The following MAP4K2 variants were observed in gnomAD, a reference collection of about 807,000 sequenced individuals.
MAP4K2 encodes the protein B lymphocyte serine/threonine protein kinase.
Under a neutral mutation model 125.3 loss-of-function variants are expected in MAP4K2, and 85 were observed. The ratio of observed to expected loss-of-function variants is 0.68; its 90% CI spans 0.57 to 0.81. MAP4K2 has a LOEUF of 0.81. MAP4K2 is among the 40% of genes least tolerant of loss of function. The probability of loss-of-function intolerance (pLI) is 0.00; values close to 1 mark genes in which losing one functional copy is unlikely to be tolerated. For missense variants in MAP4K2, 923 were observed against 1,056.4 expected, an observed-to-expected ratio of 0.87 and a Z score of 1.75; for synonymous variants, 479 against 445.1, an observed-to-expected ratio of 1.08 and a Z score of -0.96.
intron 24 of MAP4K2, among the ~76,000 whole-genome samples, 198 bp downstream of exon 24, chr11:64,796,075 C>T (rs143131682): frequency 6.6e-6 from 1 of 152,354 alleles, no homozygotes; most frequent in Non-Finnish European, 1.5e-5. Flanking sequence ...ACTTTCACAT[C>T]CACTGTCTCC....
At position 64,797,677 on chromosome 11, in the gene MAP4K2, G is replaced by A; in HGVS notation, c.1098-13C>T. ...CTGCAGCAGGCTCCTGGGCAGTGGG[G>A]AAAAGGGGTCAGAGGTCAACCTTTC... On this transcript the variant is annotated splice_polypyrimidine_tract_variant and intron_variant, in intron 15 of 31. Transcript: ENST00000294066. 1 of 1,510,756 alleles carries A rather than the reference G, an allele frequency of 6.6e-7. No individual in the cohort carries two copies. 93.6% of individuals were successfully genotyped at this position (1,510,756 alleles called of 1,614,324 possible). A position where few individuals can be genotyped will look rare whatever the true frequency, so the allele number is the denominator to read the frequency against.
In MAP4K2 at chr11:64,787,480, CTGGGGACGGGG is replaced by C. The variant is rs886176136; in HGVS notation, c.*2046_*2056del. On this transcript the variant is annotated 3_prime_UTR_variant, in exon 32 of 32. Coordinates refer to ENST00000294066, the MANE Select transcript of MAP4K2 (RefSeq NM_004579.5). ...TCATAAGTAACTGAGACCAGGGTGG[CTGGGGACGGGG>C]TAAGAGGGAGACTTCATTATATCTC... 5 of 152,080 alleles carry C rather than the reference CTGGGGACGGGG, an allele frequency of 3.3e-5. No homozygotes were observed. The highest frequency in any genetic ancestry group is 1.2e-4 in the African/African-American group (5 of 41,390). The allele number at this position is 152,080 out of a possible 1,614,324, so 9.4% of individuals were successfully genotyped here.
At chr11:64,800,496 C>T in intron 10 of MAP4K2, 104 bp from the exon 11 acceptor site, 1 of 1,343,182 alleles carries the variant, frequency 7.4e-7, no homozygotes. Context: ...GCTGGGCCCA[C>T]CCAGGAAGGA....
chr11:64,789,659 A>G, intron 31 of MAP4K2, 35 bp from the exon 32 acceptor site: 3 of 1,612,404 alleles, frequency 1.9e-6, no homozygotes, highest in Non-Finnish European at 2.5e-6. Flanking sequence ...AGGGCGGGAG[A>G]CACTTGGTAC....
chr11:64,792,156 C>T lies in MAP4K2; in HGVS notation c.1914+16G>A, dbSNP rs1187878905. 4.4e-6 allele frequency: 7 copies of T among 1,597,656 alleles called. No homozygotes were observed. Among genetic ancestry groups the T allele is most frequent in the African/African-American group, 4.0e-5 (3 of 74,572 alleles). Reference sequence around the variant, plus strand: ...AGCTCTGAGGGTGCCCTGGGCCTCCCCCCACCGCCCCTCACCTTCAGCAGC... The same window carrying T: ...AGCTCTGAGGGTGCCCTGGGCCTCCTCCCACCGCCCCTCACCTTCAGCAGC... On this transcript the variant is annotated intron_variant, in intron 26 of 31. Transcript: ENST00000294066.
intron 7 of MAP4K2, 113 bp from the exon 8 acceptor site, chr11:64,801,296 C>A: frequency 7.5e-7 from 1 of 1,339,660 alleles, no homozygotes; most frequent in Middle Eastern, 2.5e-4. Flanking sequence ...GGTGGCCCCG[C>A]TTGGTCACAG....
At position 64,789,795 on chromosome 11, in the gene MAP4K2, CAGGT is replaced by C. The variant is rs754738273; in HGVS notation, c.2320-14_2320-11del. On this transcript the variant is annotated splice_polypyrimidine_tract_variant and intron_variant, in intron 30 of 31. Coordinates refer to ENST00000294066, the MANE Select transcript of MAP4K2 (RefSeq NM_004579.5). ...TGATCTCCTGGGTCACCTGGGAAGACAGGTGGGAAGCACTGAGGCCACTCCAGTA... is the reference window on the plus strand; with the variant it reads ...TGATCTCCTGGGTCACCTGGGAAGACGGGAAGCACTGAGGCCACTCCAGTA... The C allele has an allele frequency of 1.4e-5, 22 of 1,614,134 alleles. No individual in the cohort carries two copies. The South Asian group carries it at 2.3e-4, about 17-fold the overall frequency.
chr11:64,796,760 C>T (rs1451799635), intron 21 of MAP4K2, 47 bp from the exon 22 acceptor site: 1 of 1,613,638 alleles, frequency 6.2e-7, no homozygotes, highest in Non-Finnish European at 8.5e-7. Context: ...GCCCCTGGCC[C>T]AAGCTGAGGG....
In MAP4K2 at chr11:64,792,499, G is replaced by A. The variant is rs1011269835; in HGVS notation, c.1752-77C>T. 2.1e-5 allele frequency: 25 copies of A among 1,203,724 alleles called. No individual in the cohort carries two copies. The African/African-American group carries it at 2.9e-4, about 14-fold the overall frequency. 74.6% of individuals were successfully genotyped at this position (1,203,724 alleles called of 1,614,324 possible). A position where few individuals can be genotyped will look rare whatever the true frequency, so the allele number is the denominator to read the frequency against. Reference sequence around the variant, plus strand: ...GCCCCTGCAGAGCCCTATGAGGTGGGCACTATCAGCTTCCCTCTTTACAAG... The same window carrying A: ...GCCCCTGCAGAGCCCTATGAGGTGGACACTATCAGCTTCCCTCTTTACAAG... On this transcript the variant is annotated intron_variant, in intron 24 of 31. Coordinates refer to ENST00000294066, the MANE Select transcript of MAP4K2 (RefSeq NM_004579.5).
chr11:64,795,785 C>G (rs931249918), intron 24 of MAP4K2, among the ~76,000 whole-genome samples: 2 of 152,120 alleles, frequency 1.3e-5, no homozygotes, highest in Admixed American at 6.6e-5. Context: ...CCTTCTGCCT[C>G]GGATTACAGG....
chr11:64,794,047 C>T (rs1196882353), intron 24 of MAP4K2, among the ~76,000 whole-genome samples: 2 of 152,226 alleles, frequency 1.3e-5, no homozygotes, highest in Non-Finnish European at 2.9e-5. Context: ...CAGTCCACTG[C>T]TTCCCACACC....
chr11:64,797,230 C>A (rs1239249265), intron 18 of MAP4K2, 38 bp from the exon 19 acceptor site: 1 of 1,606,224 alleles, frequency 6.2e-7, no homozygotes, highest in Admixed American at 1.7e-5. Context: ...CTGCTGTAGC[C>A]CCCACCCTGG....
rs71581722 is a variant in MAP4K2, at chr11:64,790,053, A to G, written c.2249-94T>C. The G allele has an allele frequency of 2.3e-3, 3,530 of 1,540,346 alleles. 6 individuals are homozygous for G. The highest frequency in any genetic ancestry group is 5.5e-3 in the Middle Eastern group (26 of 4,694). ...GTCTGGGCCACAGGGGTCCTCACTG[A>G]CCTCAGGTGACCAGGATGGCTCAGG... is the stretch of plus-strand genomic sequence containing the variant. On this transcript the variant is annotated intron_variant, in intron 29 of 31. Coordinates refer to ENST00000294066, the MANE Select transcript of MAP4K2 (RefSeq NM_004579.5).
Position 64,796,391 on chromosome 11 carries a change from C to T in MAP4K2, c.1634-1G>A, listed in dbSNP as rs765375587. 1.2e-6 allele frequency: 2 copies of T among 1,610,118 alleles called. No individual in the cohort carries two copies. Among genetic ancestry groups the T allele is most frequent in the Non-Finnish European group, 1.7e-6 (2 of 1,177,688 alleles). On this transcript the variant is annotated splice_acceptor_variant, in intron 23 of 31. Transcript: ENST00000294066. LOFTEE classifies it high-confidence loss of function. Reference sequence around the variant, plus strand: ...TGGGCCCAGATGTGCGTGGATTTCCCTGCAGAAACAGGAAGAGGCCAGGCC... The same window carrying T: ...TGGGCCCAGATGTGCGTGGATTTCCTTGCAGAAACAGGAAGAGGCCAGGCC...
Position 64,801,041 on chromosome 11 carries a change from G to T in MAP4K2, c.531-10C>A. 1 of 1,613,818 alleles carries T rather than the reference G, an allele frequency of 6.2e-7. No individual in the cohort carries two copies. The highest frequency in any genetic ancestry group is 2.2e-5 in the East Asian group (1 of 44,882). ...CACCTCGGGAGCCATCCTAGAGGTG[G>T]GGTCACAGATGGGATGGCCGGGTGC... On this transcript the variant is annotated splice_polypyrimidine_tract_variant and intron_variant, in intron 8 of 31. Transcript: ENST00000294066.
At chr11:64,798,718 A>G (rs1484712784) in intron 15 of MAP4K2, 76 bp downstream of exon 15, 4 of 1,526,314 alleles carry the variant, frequency 2.6e-6, no homozygotes, top group Admixed American at 1.7e-5. Flanking sequence ...TACAGGCATG[A>G]GCCACCACGC....
rs1192484554 is a variant in MAP4K2 at position 64,793,743 on chromosome 11, T to C, written c.1752-1321A>G. Among the ~76,000 whole-genome samples the C allele has an allele frequency of 2.0e-5, 3 of 152,250 alleles. No individual in the cohort carries two copies. In the East Asian group the frequency reaches 5.8e-4, roughly 29 times the overall value. On this transcript the variant is annotated intron_variant, in intron 24 of 31. Coordinates refer to ENST00000294066, the MANE Select transcript of MAP4K2 (RefSeq NM_004579.5). ...ATGGGACAAAAGCATATATTTTGTA[T>C]TTGTTTTTTCTCCAAACAACTCCAG...
rs755575824 is a variant in MAP4K2 at position 64,797,201 on chromosome 11, A to T, written c.1277-9T>A. ...AGGTGGGGGCAGGGTTCCTGCAGGCACAGGCGTGCTGTAATTTCCTGCTGT... is the reference window on the plus strand; with the variant it reads ...AGGTGGGGGCAGGGTTCCTGCAGGCTCAGGCGTGCTGTAATTTCCTGCTGT... On this transcript the variant is annotated splice_polypyrimidine_tract_variant and intron_variant, in intron 18 of 31. Transcript: ENST00000294066. 8 of 1,612,714 alleles carry T rather than the reference A, an allele frequency of 5.0e-6. No individual in the cohort carries two copies. In the East Asian group the frequency reaches 1.8e-4, roughly 36 times the overall value.
chr11:64,789,464 G>T lies in MAP4K2; in HGVS notation c.*73C>A. On this transcript the variant is annotated 3_prime_UTR_variant, in exon 32 of 32. Transcript: ENST00000294066. ...CCTGGGCTCCTCTGGTCTAGGATGG[G>T]CCCCTTTGCCCAAAAGGGCCTGCAG... The T allele has an allele frequency of 7.4e-7, 1 of 1,358,946 alleles. No homozygotes were observed. Among genetic ancestry groups the T allele is most frequent in the Non-Finnish European group, 1.0e-6 (1 of 974,018 alleles). The allele number at this position is 1,358,946 out of a possible 1,614,324, so 84.2% of individuals were successfully genotyped here. A position where few individuals can be genotyped will look rare whatever the true frequency, so the allele number is the denominator to read the frequency against.
Sources: gnomAD v4.1 joint callset for allele counts (sites outside exome capture counted in the v4.1 genomes callset) on GRCh38, gnomAD v4.1.1 for gene constraint, MANE v1.5 for transcripts, NCBI Gene and HGNC (gene_info 2026-07-23, HGNC 2026-07-21) for gene names.